The following ANO10 variants were observed in gnomAD, a reference collection of about 807,000 sequenced individuals.
ANO10 encodes anoctamin-10.
In ANO10, 77 loss-of-function variants were observed where a neutral mutation model predicts 74.7. The observed-to-expected ratio is 1.03, with a 90% CI of 0.86 to 1.25. The LOEUF (loss-of-function observed/expected upper bound fraction) is 1.25. Ranked by LOEUF, ANO10 falls within the 50% of genes most tolerant of loss-of-function variation. The pLI, the probability that ANO10 is intolerant of heterozygous loss-of-function variation, is 0.00. For missense variants in ANO10, 721 were observed against 778.1 expected (o/e 0.93, Z 0.87); for synonymous variants, 279 against 284.9 (o/e 0.98, Z 0.21).
chr3:43,461,472 G>A (rs1051977519), intron 11 of ANO10, among the ~76,000 whole-genome samples: 2 of 152,170 alleles, frequency 1.3e-5, no homozygotes, highest in African/African-American at 2.4e-5. Flanking sequence ...GTCCCCACCC[G>A]AATCTCATCT....
intron 11 of ANO10, among the ~76,000 whole-genome samples, chr3:43,439,473 T>C (rs990371784): frequency 1.3e-5 from 2 of 151,124 alleles, no homozygotes; most frequent in South Asian, 4.2e-4. Context: ...GGTAAATATA[T>C]AGACAAATAA....
chr3:43,664,231 T>C (rs902696975), intron 1 of ANO10, among the ~76,000 whole-genome samples: 1 of 151,990 alleles, frequency 6.6e-6, no homozygotes, highest in African/African-American at 2.4e-5. Context: ...ACACCACACA[T>C]CTACCACCAT....
chr3:43,580,022 G>A (rs1553724268), intron 5 of ANO10, among the ~76,000 whole-genome samples: 1 of 151,726 alleles, frequency 6.6e-6, no homozygotes, highest in Non-Finnish European at 1.5e-5. Flanking sequence ...GTGCACGCCT[G>A]TGATCTCAGC....
intron 11 of ANO10, among the ~76,000 whole-genome samples, chr3:43,470,715 C>T (rs911103675): frequency 5.3e-5 from 8 of 151,882 alleles, no homozygotes; most frequent in Admixed American, 2.0e-4. Flanking sequence ...TAGCCTCAAC[C>T]TCCCGGGCTC....
At chr3:43,428,769 C>T (rs1168551630) in intron 12 of ANO10, among the ~76,000 whole-genome samples, 1 of 73,396 alleles carries the variant, frequency 1.4e-5, no homozygotes, top group Non-Finnish European at 2.8e-5. Context: ...ATCTGAAATA[C>T]CCCAAAATCC....
At chr3:43,548,719 A>G (rs1003739998) in intron 11 of ANO10, among the ~76,000 whole-genome samples, 4 of 152,230 alleles carry the variant, frequency 2.6e-5, no homozygotes, top group African/African-American at 9.6e-5. Context: ...TGTTTTTAAA[A>G]TATCTAAAAA....
chr3:43,451,164 G>T (rs1023275105), intron 11 of ANO10, among the ~76,000 whole-genome samples: 2 of 152,160 alleles, frequency 1.3e-5, no homozygotes, highest in African/African-American at 4.8e-5. Flanking sequence ...CAGAGTATAA[G>T]GGAACTTCAG....
At chr3:43,632,090 A>C (rs910500694) in intron 1 of ANO10, among the ~76,000 whole-genome samples, 1 of 151,602 alleles carries the variant, frequency 6.6e-6, no homozygotes. Context: ...AAAAAAAAAG[A>C]AAGTAAGTTA....
chr3:43,461,733 C>T (rs1257284665), intron 11 of ANO10, among the ~76,000 whole-genome samples: 4 of 152,194 alleles, frequency 2.6e-5, no homozygotes, highest in African/African-American at 9.7e-5. Flanking sequence ...CCAATTAAGC[C>T]TCCTTCTTTT....
intron 9 of ANO10, among the ~76,000 whole-genome samples, chr3:43,560,757 TATATTTATAC>T (rs1163121136): frequency 1.3e-5 from 2 of 152,216 alleles, no homozygotes; most frequent in African/African-American, 4.8e-5. Context: ...AGAACTGTTT[TATATTTATAC>T]AATAGCACTA....
At chr3:43,393,788 T>C (rs2092323807) in intron 12 of ANO10, among the ~76,000 whole-genome samples, 1 of 152,182 alleles carries the variant, frequency 6.6e-6, no homozygotes, top group Non-Finnish European at 1.5e-5. Context: ...TCCTGTTACC[T>C]ACACCATGAA....
intron 8 of ANO10, 58 bp downstream of exon 8, chr3:43,565,595 G>A: frequency 2.3e-6 from 3 of 1,303,590 alleles, no homozygotes; most frequent in South Asian, 2.8e-5. Context: ...AGCATCTAAA[G>A]ATAGAAAACC....
chr3:43,367,293 C>A (rs151291185), intron 12 of ANO10, among the ~76,000 whole-genome samples: 23 of 152,204 alleles, frequency 1.5e-4, no homozygotes, highest in Non-Finnish European at 2.9e-4. Flanking sequence ...TGAGAGAGGA[C>A]GGGGCACAGG....
intron 11 of ANO10, among the ~76,000 whole-genome samples, chr3:43,507,538 G>A (rs1324639767): frequency 6.6e-6 from 1 of 151,920 alleles, no homozygotes. Context: ...CTGCCTGGAT[G>A]CCCTCATAGC....
intron 1 of ANO10, among the ~76,000 whole-genome samples, chr3:43,634,149 C>G (rs1260455820): frequency 1.3e-5 from 2 of 152,116 alleles, no homozygotes; most frequent in South Asian, 4.1e-4. Context: ...GAATTATCTC[C>G]CAACAATTAG....
intron 11 of ANO10, among the ~76,000 whole-genome samples, chr3:43,524,043 T>C (rs2149224274): frequency 6.6e-6 from 1 of 152,110 alleles, no homozygotes; most frequent in South Asian, 2.1e-4. Context: ...GGGCTACACC[T>C]GGAGTAGATG....
Position 43,616,016 on chromosome 3 carries a change from C to G in ANO10, c.-12+5893G>C, listed in dbSNP as rs142677489. Among the ~76,000 whole-genome samples, 176 of 152,222 alleles carry G rather than the reference C, an allele frequency of 1.2e-3. 2 individuals are homozygous for G. In the East Asian group the frequency reaches 0.032, roughly 28 times the overall value. Reference sequence around the variant, plus strand: ...TTGCTTTTCTTCACCAGATTAAAAGCATGCCAACCTTATATAAAAGCTACC... The same window carrying G: ...TTGCTTTTCTTCACCAGATTAAAAGGATGCCAACCTTATATAAAAGCTACC... On this transcript the variant is annotated intron_variant, in intron 1 of 12. Transcript: ENST00000292246.
chr3:43,572,289 C>A (rs2080771039), intron 7 of ANO10, among the ~76,000 whole-genome samples: 1 of 152,178 alleles, frequency 6.6e-6, no homozygotes, highest in South Asian at 2.1e-4. Context: ...CCTTGCTGGG[C>A]CTGGGACTCC....
chr3:43,405,275 T>G (rs2092556616), intron 12 of ANO10, among the ~76,000 whole-genome samples: 1 of 152,142 alleles, frequency 6.6e-6, no homozygotes, highest in South Asian at 2.1e-4. Flanking sequence ...CTGGAGGAAT[T>G]CTGGGGCAAG....
Sources: gnomAD v4.1 joint callset for allele counts (sites outside exome capture counted in the v4.1 genomes callset) on GRCh38, gnomAD v4.1.1 for gene constraint, MANE v1.5 for transcripts, NCBI Gene and HGNC (gene_info 2026-07-23, HGNC 2026-07-21) for gene names.